Variants in HMCN1 observed in about 807,000 individuals in gnomAD.
HMCN1 encodes the protein hemicentin-1.
HMCN1 carries 321 observed loss-of-function variants against 625.9 expected under a neutral mutation model. The observed-to-expected ratio is 0.51, with a 90% confidence interval of 0.47 to 0.56. The LOEUF (loss-of-function observed/expected upper bound fraction) is 0.56, where lower values mean the gene tolerates loss of function less well. Among genes scored for constraint, HMCN1 ranks in the 20% least tolerant of loss-of-function variants. The pLI is 0.00. For missense variants in HMCN1, 6,588 were observed against 6,887.3 expected (o/e 0.96, Z 1.54); for synonymous variants, 2,425 against 2,417.6 (o/e 1.00, Z -0.09).
intron 25 of HMCN1, among the ~76,000 whole-genome samples, 160 bp from the exon 26 acceptor site, chr1:185,999,885 T>A (rs1019859953): frequency 1.3e-5 from 2 of 152,154 alleles, no homozygotes; most frequent in Non-Finnish European, 2.9e-5. Context: ...TAACATAATC[T>A]TCATATTTCC....
intron 99 of HMCN1, among the ~76,000 whole-genome samples, chr1:186,166,560 T>G (rs61831351): frequency 0.052 from 7,893 of 152,300 alleles, 237 homozygotes; most frequent in South Asian, 0.087. Context: ...AGTAACTTCT[T>G]AAAAGCCACC....
chr1:186,125,261 T>C (rs1015673513), intron 81 of HMCN1, among the ~76,000 whole-genome samples: 14 of 152,132 alleles, frequency 9.2e-5, no homozygotes, highest in Non-Finnish European at 1.9e-4. Flanking sequence ...TTCGTTTTGT[T>C]GTTGGTTTGT....
At chr1:186,113,290 T>C (rs1660975092) in intron 72 of HMCN1, among the ~76,000 whole-genome samples, 1 of 152,226 alleles carries the variant, frequency 6.6e-6, no homozygotes, top group Admixed American at 6.5e-5. Context: ...TCACCTTTAT[T>C]GATGGTGGCT....
intron 1 of HMCN1, among the ~76,000 whole-genome samples, chr1:185,751,225 C>T (rs1024876256): frequency 1.3e-5 from 2 of 152,032 alleles, no homozygotes; most frequent in Non-Finnish European, 2.9e-5. Flanking sequence ...ATAGGAAATC[C>T]TTTTGGTCTT....
chr1:186,067,388 C>T (rs1322232152), intron 49 of HMCN1, among the ~76,000 whole-genome samples: 1 of 152,162 alleles, frequency 6.6e-6, no homozygotes, highest in Non-Finnish European at 1.5e-5. Context: ...CAATTTAATA[C>T]TACCATGCTC....
rs746105331 is a variant in HMCN1, at chr1:186,078,200, A to G, written c.8579A>G (p.Gln2860Arg). ...AATGAGGCTGGAGAAGATTCCCTTCAATATGATGTCCGTGTACTCGGTGAG... is the reference window on the plus strand; with the variant it reads ...AATGAGGCTGGAGAAGATTCCCTTCGATATGATGTCCGTGTACTCGGTGAG... Reference protein sequence around the residue: ...AVNEAGEDSLQYDVRVLVPPI... With the variant: ...AVNEAGEDSLRYDVRVLVPPI... Residue 2860 changes from glutamine to arginine, a missense_variant, in exon 55 of 107, where the codon CAA (glutamine) becomes CGA (arginine). Around this residue, in one of 3 missense-constraint regions of HMCN1, gnomAD observed 4,628 missense variants for 4,853.1 expected, o/e 0.95. Transcript: ENST00000271588. The G allele has an allele frequency of 5.6e-6, 9 of 1,610,918 alleles. No individual in the cohort carries two copies. The highest frequency in any genetic ancestry group is 7.6e-6 in the Non-Finnish European group (9 of 1,177,344).
At chr1:185,853,890 A>C (rs1033743540) in intron 2 of HMCN1, among the ~76,000 whole-genome samples, 1 of 152,302 alleles carries the variant, frequency 6.6e-6, no homozygotes, top group East Asian at 1.9e-4. Context: ...GGGTAAATAC[A>C]TGAGTCATTG....
At chr1:186,038,351 G>T (rs1655976074) in intron 37 of HMCN1, among the ~76,000 whole-genome samples, 1 of 152,122 alleles carries the variant, frequency 6.6e-6, no homozygotes, top group African/African-American at 2.4e-5. Flanking sequence ...TAACTTAAAA[G>T]TATCTTAATG....
At chr1:185,876,866 T>C in intron 4 of HMCN1, among the ~76,000 whole-genome samples, 1 of 152,062 alleles carries the variant, frequency 6.6e-6, no homozygotes, top group East Asian at 1.9e-4. Flanking sequence ...TTGGTTTTCT[T>C]GTTTACTCCA....
At chr1:186,108,438 G>C (rs765738065) in intron 70 of HMCN1, 23 bp from the exon 71 acceptor site, 1 of 1,613,918 alleles carries the variant, frequency 6.2e-7, no homozygotes, top group Admixed American at 1.7e-5. Context: ...GATTGCTTTT[G>C]TTGTATTTGT....
chr1:186,012,779 ATTTAAT>A (rs1479585183), intron 30 of HMCN1, among the ~76,000 whole-genome samples: 1 of 152,134 alleles, frequency 6.6e-6, no homozygotes, highest in African/African-American at 2.4e-5. Flanking sequence ...ATGATAAAAC[ATTTAAT>A]TTTATGTTTT....
intron 105 of HMCN1, among the ~76,000 whole-genome samples, chr1:186,186,994 T>TCACACACACACACACACA (rs371455899): frequency 3.4e-4 from 46 of 134,590 alleles, no homozygotes; most frequent in South Asian, 1.2e-3. Context: ...TGTCTCTGTC[T>TCACACACACACACACACA]CACACACACA....
At position 186,055,058 on chromosome 1, in the gene HMCN1, T is replaced by A. The variant is rs372593787; in HGVS notation, c.6863-335T>A. On this transcript the variant is annotated intron_variant, in intron 44 of 106. Transcript: ENST00000271588. Reference sequence around the variant, plus strand: ...GGGTTGTAAGCTAGGCTACTATATCTATTTTAAATAAGTATTAGGAAGACT... The same window carrying A: ...GGGTTGTAAGCTAGGCTACTATATCAATTTTAAATAAGTATTAGGAAGACT... Among the ~76,000 whole-genome samples the A allele has an allele frequency of 3.9e-5, 6 of 152,018 alleles. No individual in the cohort carries two copies. The East Asian group carries it at 5.8e-4, about 15-fold the overall frequency.
chr1:186,060,629 G>A (rs1031897363), intron 46 of HMCN1, among the ~76,000 whole-genome samples: 2 of 152,056 alleles, frequency 1.3e-5, no homozygotes, highest in Admixed American at 6.6e-5. Context: ...AGAAGCAAAA[G>A]CAGTGTATCA....
intron 68 of HMCN1, among the ~76,000 whole-genome samples, chr1:186,099,302 G>A (rs913220942): frequency 6.6e-6 from 1 of 152,000 alleles, no homozygotes; most frequent in African/African-American, 2.4e-5. Context: ...GTGTCAATGA[G>A]AGAAAAAAGA....
chr1:185,834,163 G>T (rs1398987470), intron 1 of HMCN1, among the ~76,000 whole-genome samples: 1 of 152,116 alleles, frequency 6.6e-6, no homozygotes, highest in Non-Finnish European at 1.5e-5. Context: ...AATCTAGTTT[G>T]GGAGAATGTA....
At chr1:185,953,139 T>A (rs971836085) in intron 11 of HMCN1, among the ~76,000 whole-genome samples, 2 of 149,342 alleles carry the variant, frequency 1.3e-5, no homozygotes, top group African/African-American at 5.0e-5. Flanking sequence ...GAGAAGGGGT[T>A]GAGGGGTACT....
At chr1:186,096,770 G>A (rs999126151) in intron 68 of HMCN1, among the ~76,000 whole-genome samples, 21 of 152,064 alleles carry the variant, frequency 1.4e-4, no homozygotes, top group African/African-American at 5.1e-4. Flanking sequence ...GATACATCAC[G>A]TTAACAGATA....
intron 32 of HMCN1, 146 bp downstream of exon 32, chr1:186,016,385 G>C: frequency 2.8e-6 from 2 of 710,606 alleles, no homozygotes; most frequent in South Asian, 4.1e-5. Context: ...ATTACCAAGG[G>C]GTGGATTTGT....
Sources: gnomAD v4.1 joint callset for allele counts (sites outside exome capture counted in the v4.1 genomes callset) on GRCh38, gnomAD v4.1.1 for gene constraint, gnomAD v4.1.1 regional missense constraint, MANE v1.5 for transcripts, NCBI Gene and HGNC (gene_info 2026-07-23, HGNC 2026-07-21) for gene names.